The following GSS variants were observed in gnomAD, a reference collection of about 807,000 sequenced individuals.
GSS encodes the protein GSH synthetase.
In GSS, 34 loss-of-function variants were observed where a neutral mutation model predicts 60.4. That is an observed-to-expected ratio of 0.56 (90% CI 0.43 to 0.75). The LOEUF (loss-of-function observed/expected upper bound fraction) is 0.75, where lower values mean the gene tolerates loss of function less well. Ranked by LOEUF, GSS falls within the 30% of genes least tolerant of loss-of-function variation. GSS has a pLI of 0.00. For missense variants in GSS, 499 were observed against 595.1 expected, an observed-to-expected ratio of 0.84 and a Z score of 1.68; for synonymous variants, 224 against 239.0, an observed-to-expected ratio of 0.94 and a Z score of 0.58.
chr20:34,951,889 TA>T, intron 1 of GSS, 29 bp from the exon 2 acceptor site: 1 of 1,612,036 alleles, frequency 6.2e-7, no homozygotes. Flanking sequence ...AGAGAGTTGG[TA>T]ACAGATGGCC....
intron 1 of GSS, among the ~76,000 whole-genome samples, chr20:34,953,940 TA>T (rs2081590388): frequency 6.6e-6 from 1 of 151,888 alleles, no homozygotes; most frequent in South Asian, 2.1e-4. Context: ...CTGTGTGGAT[TA>T]AAAGAGAAAA....
chr20:34,928,569 G>T lies in GSS; in HGVS notation c.*259C>A. On this transcript the variant is annotated 3_prime_UTR_variant, in exon 13 of 13. Coordinates refer to ENST00000651619, the MANE Select transcript of GSS (RefSeq NM_000178.4). ...GAAAAGGCTGATGAGGGGCTGACAG[G>T]AGTGGGGCAGGGTTCATGGACCTTT... 1 of 554,482 alleles carries T rather than the reference G, an allele frequency of 1.8e-6. No individual in the cohort carries two copies. The highest frequency in any genetic ancestry group is 3.2e-5 in the East Asian group (1 of 31,566). 34.3% of individuals were successfully genotyped at this position (554,482 alleles called of 1,614,324 possible).
rs745726845 is a variant in GSS at position 34,932,038 on chromosome 20, C to T, written c.930G>A (p.Glu310=). The T allele has an allele frequency of 1.5e-5, 25 of 1,614,098 alleles. No homozygotes were observed. The highest frequency in any genetic ancestry group is 2.1e-5 in the Non-Finnish European group (25 of 1,180,018). Residue 310 remains glutamate (E), a synonymous_variant, in exon 10 of 13, where the codon GAG becomes GAA. Coordinates refer to ENST00000651619, the MANE Select transcript of GSS (RefSeq NM_000178.4). ...QLAGTKKVQQ[E]LSRPGMLEML... ...TCTCCAGCATGCCCGGCCTGCTTAG[C>T]TCCTGCTGCACCTTCTTAGTCCCAG... is the stretch of plus-strand genomic sequence containing the variant.
At chr20:34,942,731 T>C in intron 4 of GSS, 104 bp from the exon 5 acceptor site, 1 of 1,211,620 alleles carries the variant, frequency 8.3e-7, no homozygotes, top group Non-Finnish European at 1.2e-6. Context: ...AGATTAGAGG[T>C]ACCAGCAAAC....
chr20:34,952,809 A>C (rs2081580175), intron 1 of GSS: 1 of 152,212 alleles, frequency 6.6e-6, no homozygotes, highest in African/African-American at 2.4e-5. Context: ...TCAAGCTCCA[A>C]CAACTCATGT....
At chr20:34,945,908 T>A in intron 3 of GSS, 45 bp downstream of exon 3, 1 of 1,605,338 alleles carries the variant, frequency 6.2e-7, no homozygotes, top group Admixed American at 1.7e-5. Flanking sequence ...TCCAGTTCCT[T>A]GGCTCTGGCA....
chr20:34,942,408 G>A, intron 5 of GSS, 80 bp downstream of exon 5: 1 of 1,351,708 alleles, frequency 7.4e-7, no homozygotes, highest in South Asian at 1.2e-5. Flanking sequence ...CATAGCTGGA[G>A]TTCCCTGGCC....
chr20:34,934,566 C>T (rs568081546), intron 9 of GSS, among the ~76,000 whole-genome samples: 4 of 152,232 alleles, frequency 2.6e-5, no homozygotes, highest in Admixed American at 6.5e-5. Flanking sequence ...CGTGAACCAC[C>T]GTGCCCGGCC....
chr20:34,934,136 C>T (rs1018363656), intron 9 of GSS: 3 of 151,086 alleles, frequency 2.0e-5, no homozygotes, highest in African/African-American at 7.3e-5. Context: ...GAGATCGCAC[C>T]ACTGTACTCC....
chr20:34,941,622 C>G lies in GSS; in HGVS notation c.608+91G>C, dbSNP rs1028940691. 4 of 797,276 alleles carry G rather than the reference C, an allele frequency of 5.0e-6. No homozygotes were observed. In the African/African-American group the frequency reaches 6.7e-5, roughly 13 times the overall value. The allele number at this position is 797,276 out of a possible 1,614,324, so 49.4% of individuals were successfully genotyped here. On this transcript the variant is annotated intron_variant, in intron 6 of 12. Transcript: ENST00000651619. ...CTATTCCTAGAAAAATCCCCTTATT[C>G]TCTAATGATGGCTGGCAAGAAAAGA...
intron 2 of GSS, chr20:34,949,614 T>C (rs1304480299): frequency 1.3e-5 from 2 of 152,180 alleles, no homozygotes; most frequent in Non-Finnish European, 2.9e-5. Flanking sequence ...GTTCAGAGCA[T>C]GGACTCAGGA....
chr20:34,931,730 A>G (rs1046530857), intron 10 of GSS: 1 of 626,600 alleles, frequency 1.6e-6, no homozygotes, highest in Non-Finnish European at 2.8e-6. Context: ...ACCTTTGCTG[A>G]GGGAGCTTAC....
In GSS at chr20:34,931,907, C is replaced by A. The variant is rs1430052580; in HGVS notation, c.1029+32G>T. On this transcript the variant is annotated intron_variant, in intron 10 of 12. Coordinates refer to ENST00000651619, the MANE Select transcript of GSS (RefSeq NM_000178.4). ...CTGTAGGTCTCTGCCACCTAGGAGG[C>A]CTGTGGTAGGAGAAACAGGCTGCCC... The A allele has an allele frequency of 1.9e-6, 3 of 1,596,322 alleles. No homozygotes were observed. In the Admixed American group the frequency reaches 5.0e-5, roughly 27 times the overall value.
chr20:34,951,801 G>A lies in GSS; in HGVS notation c.52C>T (p.Leu18=). ...LLQDKQQLEE[L]ARQAVDRALA... ...GCCCGGTCCACGGCCTGCCGTGCCA[G>A]CTCCTCTAGCTGCTGTTTATCCTGC... Residue 18 remains leucine, a synonymous_variant, in exon 2 of 13, where the codon CTG becomes TTG. Transcript: ENST00000651619. 1 of 1,614,146 alleles carries A rather than the reference G, an allele frequency of 6.2e-7. No individual in the cohort carries two copies. Among genetic ancestry groups the A allele is most frequent in the Non-Finnish European group, 8.5e-7 (1 of 1,180,014 alleles).
intron 2 of GSS, among the ~76,000 whole-genome samples, chr20:34,947,615 C>A (rs1187810588): frequency 6.6e-6 from 1 of 152,082 alleles, no homozygotes; most frequent in Non-Finnish European, 1.5e-5. Context: ...CATATATTTT[C>A]TCTTTTTTTC....
At chr20:34,936,224 T>C (rs1447948647) in intron 8 of GSS, among the ~76,000 whole-genome samples, 2 of 152,226 alleles carry the variant, frequency 1.3e-5, no homozygotes, top group Non-Finnish European at 2.9e-5. Context: ...TGAAAAACAG[T>C]GAGTGGTATT....
intron 3 of GSS, among the ~76,000 whole-genome samples, chr20:34,943,333 T>C (rs919130614): frequency 2.6e-5 from 4 of 152,198 alleles, no homozygotes; most frequent in African/African-American, 9.7e-5. Context: ...ATTCAAAGAA[T>C]TGAACATACT....
intron 2 of GSS, 144 bp from the exon 3 acceptor site, chr20:34,946,242 A>C: frequency 1.6e-6 from 1 of 628,028 alleles, no homozygotes; most frequent in Non-Finnish European, 2.7e-6. Context: ...GGGAGAGTGG[A>C]AGGGGGAGAG....
chr20:34,946,353 A>T (rs556810675), intron 2 of GSS, among the ~76,000 whole-genome samples: 30 of 152,298 alleles, frequency 2.0e-4, no homozygotes, highest in Non-Finnish European at 4.3e-4. Context: ...GAAACCCACA[A>T]GTTATTGAGC....
Sources: gnomAD v4.1 joint callset for allele counts (sites outside exome capture counted in the v4.1 genomes callset) on GRCh38, gnomAD v4.1.1 for gene constraint, MANE v1.5 for transcripts, NCBI Gene and HGNC (gene_info 2026-07-23, HGNC 2026-07-21) for gene names.